Variants in ANXA13 observed in about 807,000 individuals in gnomAD.
The protein encoded by ANXA13 is annexin XIII.
ANXA13 carries 36 observed loss-of-function variants against 46.6 expected under a neutral mutation model. The observed-to-expected ratio is 0.77, with a 90% confidence interval of 0.59 to 1.02. ANXA13 has a LOEUF of 1.02. Ranked by LOEUF, ANXA13 falls within the 50% of genes least tolerant of loss-of-function variation. The pLI is 0.00. For missense variants in ANXA13, 417 were observed against 396.5 expected (o/e 1.05, Z -0.44); for synonymous variants, 163 against 152.9 (o/e 1.07, Z -0.49).
chr8:123,691,805 AGTG>A, intron 8 of ANXA13, among the ~76,000 whole-genome samples: 1 of 152,194 alleles, frequency 6.6e-6, no homozygotes, highest in Non-Finnish European at 1.5e-5. Flanking sequence ...CAAATTCTCA[AGTG>A]ATGCTGATGG....
chr8:123,697,994 T>A (rs1296774211), intron 4 of ANXA13, among the ~76,000 whole-genome samples: 1 of 152,234 alleles, frequency 6.6e-6, no homozygotes, highest in Non-Finnish European at 1.5e-5. Context: ...GTCTCTTTTG[T>A]ACCCTATGCT....
At chr8:123,701,397 G>A (rs993836838) in intron 3 of ANXA13, among the ~76,000 whole-genome samples, 3 of 152,172 alleles carry the variant, frequency 2.0e-5, no homozygotes, top group Non-Finnish European at 4.4e-5. Flanking sequence ...TTGAACCCGG[G>A]AGGCAGAGGT....
rs191298457 is a variant in ANXA13 at position 123,696,154 on chromosome 8, T to C, written c.358-433A>G. 2.2e-3 allele frequency among the ~76,000 whole-genome samples: 338 copies of C among 152,262 alleles called. 1 individual carries two copies. The highest frequency in any genetic ancestry group is 8.0e-3 in the African/African-American group (333 of 41,526). On this transcript the variant is annotated intron_variant, in intron 4 of 10. Transcript: ENST00000419625. ...ATATGTGCTACTGAAAACAGAATTGTATAGGTGTCATGTGTTTAGCAGGTG... is the reference window on the plus strand; with the variant it reads ...ATATGTGCTACTGAAAACAGAATTGCATAGGTGTCATGTGTTTAGCAGGTG...
At chr8:123,688,156 C>A (rs573062273) in intron 9 of ANXA13, among the ~76,000 whole-genome samples, 4 of 152,200 alleles carry the variant, frequency 2.6e-5, no homozygotes, top group Middle Eastern at 3.4e-3. Context: ...TCCCACAATT[C>A]CCACATGTTG....
chr8:123,684,580 C>G (rs768934675), intron 10 of ANXA13, 30 bp downstream of exon 10: 6 of 1,477,266 alleles, frequency 4.1e-6, no homozygotes, highest in African/African-American at 1.4e-5. Flanking sequence ...GAAGTTGCAG[C>G]CGCCTCTTTG....
intron 1 of ANXA13, among the ~76,000 whole-genome samples, chr8:123,718,173 A>C (rs776475424): frequency 6.6e-6 from 1 of 152,260 alleles, no homozygotes; most frequent in Non-Finnish European, 1.5e-5. Flanking sequence ...CATGCCAAGC[A>C]TCTAAAACAA....
intron 6 of ANXA13, among the ~76,000 whole-genome samples, chr8:123,694,118 T>C (rs578132138): frequency 2.3e-4 from 35 of 152,056 alleles, no homozygotes; most frequent in African/African-American, 8.2e-4. Flanking sequence ...ATTTCACCAC[T>C]CAAGGTCCCA....
chr8:123,695,565 G>A lies in ANXA13; in HGVS notation c.408C>T (p.Leu136=), dbSNP rs762279516. 5.4e-5 allele frequency: 87 copies of A among 1,613,794 alleles called. No individual in the cohort carries two copies. In the Middle Eastern group the frequency reaches 9.9e-4, roughly 18 times the overall value. ...EAYQRLFDRS[L]ESDVKGDTSG... ...TTGTATCACCTTTGACATCTGATTCGAGGCTCCTATCAAATACTTCGAAGG... is the reference window on the plus strand; with the variant it reads ...TTGTATCACCTTTGACATCTGATTCAAGGCTCCTATCAAATACTTCGAAGG... The change falls in exon 6 of 11, where the codon CTC becomes CTT. Residue 136 remains leucine, a synonymous_variant. Coordinates refer to ENST00000419625, the MANE Select transcript of ANXA13 (RefSeq NM_004306.4).
chr8:123,712,495 T>C, intron 2 of ANXA13, 183 bp downstream of exon 2: 1 of 610,710 alleles, frequency 1.6e-6, no homozygotes, highest in East Asian at 2.8e-5. Flanking sequence ...TCCTGAAAAG[T>C]AATAGGATCC....
chr8:123,711,044 G>A (rs566966825), intron 2 of ANXA13, among the ~76,000 whole-genome samples: 116 of 152,206 alleles, frequency 7.6e-4, no homozygotes, highest in African/African-American at 2.6e-3. Flanking sequence ...GTGGGCTGGA[G>A]CCATGAGAAA....
At chr8:123,694,818 T>C (rs1445382767) in intron 6 of ANXA13, among the ~76,000 whole-genome samples, 1 of 152,202 alleles carries the variant, frequency 6.6e-6, no homozygotes, top group East Asian at 1.9e-4. Context: ...TTGTGGCGAT[T>C]TGTTATGCAG....
At chr8:123,694,022 C>A (rs913429701) in intron 6 of ANXA13, among the ~76,000 whole-genome samples, 1 of 151,810 alleles carries the variant, frequency 6.6e-6, no homozygotes, top group Non-Finnish European at 1.5e-5. Flanking sequence ...CCAGAGTCAC[C>A]CACACACCCC....
chr8:123,699,886 G>C (rs1813410348), intron 3 of ANXA13, among the ~76,000 whole-genome samples: 1 of 152,154 alleles, frequency 6.6e-6, no homozygotes, highest in Non-Finnish European at 1.5e-5. Context: ...GACCTCACAG[G>C]GTTTTTGGGA....
At chr8:123,698,212 A>T (rs1267967787) in intron 4 of ANXA13, among the ~76,000 whole-genome samples, 177 bp downstream of exon 4, 1 of 152,166 alleles carries the variant, frequency 6.6e-6, no homozygotes, top group African/African-American at 2.4e-5. Flanking sequence ...CAACACCAAG[A>T]CTGACCTCTG....
intron 1 of ANXA13, chr8:123,728,041 A>T (rs1814035471): frequency 2.6e-5 from 4 of 152,244 alleles, no homozygotes; most frequent in African/African-American, 9.6e-5. Flanking sequence ...TGTCTGCATC[A>T]AGATTGTTGT....
chr8:123,684,467 C>T (rs1018361018), intron 10 of ANXA13, 143 bp downstream of exon 10: 2 of 620,754 alleles, frequency 3.2e-6, no homozygotes, highest in African/African-American at 1.8e-5. Context: ...ACAATGTCTT[C>T]TGCAAATTCT....
At chr8:123,692,752 G>T (rs573308519) in intron 8 of ANXA13, among the ~76,000 whole-genome samples, 1 of 152,206 alleles carries the variant, frequency 6.6e-6, no homozygotes, top group East Asian at 1.9e-4. Context: ...TGATGTTCAC[G>T]GTTCCTGTTC....
intron 2 of ANXA13, among the ~76,000 whole-genome samples, chr8:123,707,552 G>A (rs149337563): frequency 7.9e-5 from 12 of 152,140 alleles, no homozygotes; most frequent in Admixed American, 6.5e-4. Context: ...GCAGGGACAT[G>A]GATGAAGCTG....
At chr8:123,706,361 G>A (rs1813540144) in intron 2 of ANXA13, among the ~76,000 whole-genome samples, 1 of 152,188 alleles carries the variant, frequency 6.6e-6, no homozygotes, top group Admixed American at 6.5e-5. Flanking sequence ...CCCAGACGAG[G>A]GCCTTGGCCT....
Sources: allele counts gnomAD v4.1 joint callset (sites outside exome capture counted in the v4.1 genomes callset), GRCh38; gene constraint gnomAD v4.1.1; transcripts MANE v1.5; gene names NCBI Gene and HGNC (gene_info 2026-07-23, HGNC 2026-07-21).